Variants in PEX5L observed in about 807,000 individuals in gnomAD.
The protein encoded by PEX5L is PEX5-related protein.
A neutral mutation model predicts 84.0 loss-of-function variants in PEX5L; 30 were observed. The observed-to-expected ratio is 0.36, with a 90% CI of 0.27 to 0.48. The LOEUF (loss-of-function observed/expected upper bound fraction) is 0.48. PEX5L is among the 20% of genes least tolerant of loss of function. The pLI, the probability that PEX5L is intolerant of heterozygous loss-of-function variation, is 0.99. For synonymous variants in PEX5L, 270 were observed against 283.1 expected, an observed-to-expected ratio of 0.95 and a Z score of 0.46; for missense variants, 533 against 754.6, an observed-to-expected ratio of 0.71 and a Z score of 3.44.
chr3:179,889,122 G>C (rs567259679), intron 3 of PEX5L, among the ~76,000 whole-genome samples: 17 of 152,188 alleles, frequency 1.1e-4, no homozygotes, highest in African/African-American at 4.1e-4. Flanking sequence ...TGCATTTTAA[G>C]AGGCATAAAA....
intron 4 of PEX5L, among the ~76,000 whole-genome samples, chr3:179,886,249 G>A (rs1040607036): frequency 3.9e-5 from 6 of 152,080 alleles, no homozygotes; most frequent in African/African-American, 1.4e-4. Context: ...GTTTTGAAGG[G>A]GCCAGCTCTT....
chr3:179,939,324 C>T (rs768900883), intron 2 of PEX5L, among the ~76,000 whole-genome samples: 57 of 152,158 alleles, frequency 3.7e-4, no homozygotes, highest in Non-Finnish European at 6.8e-4. Context: ...AGTATGGTTC[C>T]TAGACCAGAA....
intron 3 of PEX5L, among the ~76,000 whole-genome samples, chr3:179,891,191 G>A (rs536813070): frequency 6.6e-6 from 1 of 152,200 alleles, no homozygotes; most frequent in East Asian, 1.9e-4. Flanking sequence ...CTACTGTCTT[G>A]TTTCTGACCA....
chr3:180,016,941 A>C (rs1241839183), intron 1 of PEX5L, among the ~76,000 whole-genome samples: 1 of 152,200 alleles, frequency 6.6e-6, no homozygotes, highest in Non-Finnish European at 1.5e-5. Flanking sequence ...CCAAGTATTT[A>C]ATTTCATATT....
rs571423723 is a variant in PEX5L at position 179,798,133 on chromosome 3, C to T, written c.*3695G>A. 2.6e-5 allele frequency: 4 copies of T among 152,184 alleles called. No homozygotes were observed. Among genetic ancestry groups the T allele is most frequent in the East Asian group, 1.9e-4 (1 of 5,192 alleles). 9.4% of individuals were successfully genotyped at this position (152,184 alleles called of 1,614,324 possible). ...TACAAGTATTTAGACATGGGTCCCA[C>T]GTTCAATATAATAGTATCTTAAAGA... is the stretch of plus-strand genomic sequence containing the variant. On this transcript the variant is annotated 3_prime_UTR_variant, in exon 15 of 15. Transcript: ENST00000467460.
At chr3:180,008,683 A>G (rs1789146001) in intron 1 of PEX5L, among the ~76,000 whole-genome samples, 1 of 152,204 alleles carries the variant, frequency 6.6e-6, no homozygotes, top group African/African-American at 2.4e-5. Context: ...GGTGGCAGCA[A>G]GAGAAAATGA....
At chr3:179,967,412 T>C (rs1240370727) in intron 2 of PEX5L, among the ~76,000 whole-genome samples, 1 of 152,178 alleles carries the variant, frequency 6.6e-6, no homozygotes, top group Non-Finnish European at 1.5e-5. Context: ...ATAAATGTTA[T>C]ACACTTTATA....
chr3:179,884,027 A>G (rs1754984545), intron 4 of PEX5L, among the ~76,000 whole-genome samples: 1 of 152,238 alleles, frequency 6.6e-6, no homozygotes, highest in Non-Finnish European at 1.5e-5. Flanking sequence ...CAATATGGTA[A>G]GTGCTTATGA....
Position 179,800,868 on chromosome 3 carries a change from T to C in PEX5L, c.*960A>G, listed in dbSNP as rs1718660585. On this transcript the variant is annotated 3_prime_UTR_variant, in exon 15 of 15. Transcript: ENST00000467460. ...AAGTATGACACTTAAGCAAGTTAATTTGAACTCAATAGAAATCACGATACC... is the reference window on the plus strand; with the variant it reads ...AAGTATGACACTTAAGCAAGTTAATCTGAACTCAATAGAAATCACGATACC... The C allele has an allele frequency of 6.6e-6, 1 of 152,230 alleles. No homozygotes were observed. The highest frequency in any genetic ancestry group is 6.5e-5 in the Admixed American group (1 of 15,282). The allele number at this position is 152,230 out of a possible 1,614,324, so 9.4% of individuals were successfully genotyped here. A position where few individuals can be genotyped will look rare whatever the true frequency, so the allele number is the denominator to read the frequency against.
intron 5 of PEX5L, among the ~76,000 whole-genome samples, chr3:179,879,415 G>A (rs1414295483): frequency 6.6e-6 from 1 of 152,208 alleles, no homozygotes; most frequent in Non-Finnish European, 1.5e-5. Context: ...GTTTCAAAGA[G>A]TTGTGATAAT....
chr3:179,957,173 T>C (rs954029898), intron 2 of PEX5L, among the ~76,000 whole-genome samples: 6 of 152,264 alleles, frequency 3.9e-5, no homozygotes, highest in Middle Eastern at 3.4e-3. Flanking sequence ...ATTAAAATTA[T>C]CTTGCAATTA....
intron 8 of PEX5L, among the ~76,000 whole-genome samples, chr3:179,828,715 G>GAT (rs942358830): frequency 5.3e-5 from 8 of 151,996 alleles, no homozygotes; most frequent in African/African-American, 1.9e-4. Context: ...AAAATGTTGA[G>GAT]ATAAAGCCTT....
At chr3:180,027,618 A>G (rs576738806) in intron 1 of PEX5L, among the ~76,000 whole-genome samples, 3 of 152,324 alleles carry the variant, frequency 2.0e-5, no homozygotes, top group Non-Finnish European at 4.4e-5. Flanking sequence ...ACATAGCCAC[A>G]GTATAGTCAT....
chr3:179,875,525 G>GT, intron 5 of PEX5L, 48 bp from the exon 6 acceptor site: 2 of 1,258,300 alleles, frequency 1.6e-6, no homozygotes, highest in Non-Finnish European at 2.2e-6. Context: ...GCAGGGCGGG[G>GT]TAGGGGGAGC....
chr3:179,911,489 T>C (rs572062056), intron 2 of PEX5L, among the ~76,000 whole-genome samples: 2 of 152,282 alleles, frequency 1.3e-5, no homozygotes, highest in South Asian at 4.1e-4. Context: ...GGCAGAGTTT[T>C]TGTGAGGATA....
At chr3:179,999,443 T>C (rs1788190311) in intron 1 of PEX5L, among the ~76,000 whole-genome samples, 1 of 152,098 alleles carries the variant, frequency 6.6e-6, no homozygotes, top group African/African-American at 2.4e-5. Flanking sequence ...AACATGGACT[T>C]CTACTCACCA....
chr3:179,896,012 T>A (rs1262796064), intron 3 of PEX5L: 1 of 152,056 alleles, frequency 6.6e-6, no homozygotes, highest in Admixed American at 6.6e-5. Flanking sequence ...GTCAAGACAG[T>A]AGTAGTACAT....
chr3:179,937,782 C>A (rs1284237231), intron 2 of PEX5L, among the ~76,000 whole-genome samples: 5 of 152,184 alleles, frequency 3.3e-5, no homozygotes, highest in African/African-American at 1.2e-4. Flanking sequence ...TTTGTTAGGA[C>A]TACCCAATAT....
intron 1 of PEX5L, among the ~76,000 whole-genome samples, chr3:180,014,897 A>G (rs1302301166): frequency 6.6e-6 from 1 of 152,222 alleles, no homozygotes; most frequent in East Asian, 1.9e-4. Flanking sequence ...TCATCCTTGC[A>G]CTGTACTTAC....
Sources: allele counts gnomAD v4.1 joint callset (sites outside exome capture counted in the v4.1 genomes callset), GRCh38; gene constraint gnomAD v4.1.1; transcripts MANE v1.5; gene names NCBI Gene and HGNC (gene_info 2026-07-23, HGNC 2026-07-21).